WDR59: variants seen among roughly 807,000 people sequenced by gnomAD.
WDR59 encodes the protein GATOR2 complex protein WDR59.
In WDR59, 100 loss-of-function variants were observed where a neutral mutation model predicts 131.2. That is an observed-to-expected ratio of 0.76 (90% CI 0.65 to 0.90). The LOEUF (loss-of-function observed/expected upper bound fraction) is 0.90. Ranked by LOEUF, WDR59 falls within the 40% of genes least tolerant of loss-of-function variation. The pLI, the probability that WDR59 is intolerant of heterozygous loss-of-function variation, is 0.00. For missense variants in WDR59, 1,203 were observed against 1,262.2 expected (o/e 0.95, Z 0.71); for synonymous variants, 601 against 466.2 (o/e 1.29, Z -3.72).
At chr16:74,875,372 G>T (rs1025232051) in intron 25 of WDR59, among the ~76,000 whole-genome samples, 2 of 152,136 alleles carry the variant, frequency 1.3e-5, no homozygotes, top group Non-Finnish European at 2.9e-5. Flanking sequence ...TGGGGACTGT[G>T]TCCCATCGCT....
At chr16:74,940,843 C>T (rs994271217) in intron 7 of WDR59, among the ~76,000 whole-genome samples, 1 of 151,898 alleles carries the variant, frequency 6.6e-6, no homozygotes, top group Admixed American at 6.6e-5. Flanking sequence ...GTAGCTGGGA[C>T]TACAGGCGCC....
intron 25 of WDR59, among the ~76,000 whole-genome samples, chr16:74,878,612 C>T (rs1216762441): frequency 6.6e-6 from 1 of 152,194 alleles, no homozygotes; most frequent in Non-Finnish European, 1.5e-5. Flanking sequence ...TACCTCTGCA[C>T]TCCAGCCTGG....
At chr16:74,967,998 C>T (rs909743842) in intron 1 of WDR59, among the ~76,000 whole-genome samples, 1 of 151,996 alleles carries the variant, frequency 6.6e-6, no homozygotes, top group Non-Finnish European at 1.5e-5. Flanking sequence ...ATACATGCTA[C>T]AACATGGATG....
At chr16:74,932,167 C>A (rs1597740208) in intron 8 of WDR59, among the ~76,000 whole-genome samples, 1 of 151,610 alleles carries the variant, frequency 6.6e-6, no homozygotes, top group African/African-American at 2.4e-5. Context: ...GATCACAGCT[C>A]ATTGCAGCCT....
chr16:74,913,082 G>A (rs1377326839), intron 13 of WDR59, among the ~76,000 whole-genome samples: 2 of 138,326 alleles, frequency 1.4e-5, no homozygotes, highest in Non-Finnish European at 3.2e-5. Flanking sequence ...GGGGGGGGGG[G>A]GGCCTGTTCC....
In WDR59 at chr16:74,916,133, C is replaced by T; in HGVS notation, c.1093G>A (p.Glu365Lys). Residue 365 changes from glutamate (E) to lysine (K), a missense_variant, in exon 12 of 26, where the codon GAA (glutamate) becomes AAA (lysine). Physicochemically the swap from Glu to Lys is moderately conservative, Grantham distance 56. Coordinates refer to ENST00000262144, the MANE Select transcript of WDR59 (RefSeq NM_030581.4). ...CATCAGTTTGACAAATTACCTTCTT[C>T]CTCCCCATGGCTTGCAGTGTGCTGG... ...DHQHTASHGE[E>K]EALKEDPPRN... is the part of the protein sequence containing the mutation. 5 of 1,614,194 alleles carry T rather than the reference C, an allele frequency of 3.1e-6. No homozygotes were observed. Among genetic ancestry groups the T allele is most frequent in the Non-Finnish European group, 4.2e-6 (5 of 1,180,028 alleles).
chr16:74,971,426 C>CTTTTTTTTTTTTTT (rs58120924), intron 1 of WDR59, among the ~76,000 whole-genome samples: 3 of 90,184 alleles, frequency 3.3e-5, no homozygotes, highest in South Asian at 4.0e-4. Context: ...TCTTTCCTTC[C>CTTTTTTTTTTTTTT]TTTTTTTTTT....
chr16:74,891,457 T>A (rs1965040892), intron 20 of WDR59, among the ~76,000 whole-genome samples: 1 of 152,210 alleles, frequency 6.6e-6, no homozygotes, highest in African/African-American at 2.4e-5. Flanking sequence ...TAGAGGAAGT[T>A]AATGACTTTC....
rs1326945851 is a variant in WDR59 at position 74,912,373 on chromosome 16, C to T, written c.1225-11G>A. 3 of 1,606,172 alleles carry T rather than the reference C, an allele frequency of 1.9e-6. No homozygotes were observed. The highest frequency in any genetic ancestry group is 3.3e-5 in the Admixed American group (2 of 59,768). ...GTCTGCCGCATCCATCTGCAAGAGACAAATCCACAATTGCTGTAGAAACAA... is the reference window on the plus strand; with the variant it reads ...GTCTGCCGCATCCATCTGCAAGAGATAAATCCACAATTGCTGTAGAAACAA... On this transcript the variant is annotated splice_polypyrimidine_tract_variant and intron_variant, in intron 13 of 25. Transcript: ENST00000262144.
intron 1 of WDR59, among the ~76,000 whole-genome samples, chr16:74,981,638 A>G (rs1480966203): frequency 4.5e-4 from 3 of 6,630 alleles, no homozygotes; most frequent in African/African-American, 1.3e-3. Context: ...ATATATATAT[A>G]TATATATATA....
chr16:74,978,374 CTCAGTTATTCAGGAGGCTGAGATGGGAG>C (rs2034271070), intron 1 of WDR59, among the ~76,000 whole-genome samples: 1 of 149,180 alleles, frequency 6.7e-6, no homozygotes, highest in Non-Finnish European at 1.5e-5. Flanking sequence ...TGCCTGTCGA[CTCAGTTATTCAGGAGGCTGAGATGGGAG>C]GACACTTGAG....
At position 74,912,837 on chromosome 16, in the gene WDR59, G is replaced by C. The variant is rs143179412; in HGVS notation, c.1225-475C>G. On this transcript the variant is annotated intron_variant, in intron 13 of 25. Coordinates refer to ENST00000262144, the MANE Select transcript of WDR59 (RefSeq NM_030581.4). ...ATGGGCTGAAATAAAGGGATGGGCT[G>C]TGGCTAGCTATCTGCAGCAGGAGTA... is the stretch of plus-strand genomic sequence containing the variant. Among the ~76,000 whole-genome samples, 115 of 152,334 alleles carry C rather than the reference G, an allele frequency of 7.5e-4. No individual in the cohort carries two copies. In the East Asian group the frequency reaches 0.018, roughly 24 times the overall value.
intron 16 of WDR59, 43 bp downstream of exon 16, chr16:74,909,458 G>A (rs1488652659): frequency 1.3e-6 from 2 of 1,503,752 alleles, no homozygotes; most frequent in Non-Finnish European, 1.8e-6. Context: ...ATTCTTAGCT[G>A]CTCCCTCTCG....
At chr16:74,880,036 A>T (rs1369275216) in intron 25 of WDR59, among the ~76,000 whole-genome samples, 1 of 152,306 alleles carries the variant, frequency 6.6e-6, no homozygotes, top group East Asian at 1.9e-4. Context: ...ATAAAAATTT[A>T]AAAAATTAAA....
chr16:74,931,952 T>C (rs72798648), intron 8 of WDR59, among the ~76,000 whole-genome samples: 20,223 of 152,016 alleles, frequency 0.13, 1,878 homozygotes, highest in Middle Eastern at 0.21. Context: ...AAACTCTTAA[T>C]ATAAACTTTT....
At chr16:74,915,730 C>T in intron 13 of WDR59, 140 bp downstream of exon 13, 1 of 1,327,158 alleles carries the variant, frequency 7.5e-7, no homozygotes, top group Non-Finnish European at 1.0e-6. Flanking sequence ...GGCCAGAAAA[C>T]CCAGGAAATA....
chr16:74,936,633 C>G (rs2031822779), intron 8 of WDR59, among the ~76,000 whole-genome samples: 1 of 152,156 alleles, frequency 6.6e-6, no homozygotes, highest in South Asian at 2.1e-4. Context: ...CGAGACCATC[C>G]TGGCCAACAT....
chr16:74,938,599 C>T (rs980779986), intron 7 of WDR59, among the ~76,000 whole-genome samples: 7 of 152,108 alleles, frequency 4.6e-5, no homozygotes, highest in African/African-American at 7.2e-5. Flanking sequence ...TGCAGTGGCA[C>T]GATCACAGCT....
intron 8 of WDR59, among the ~76,000 whole-genome samples, chr16:74,928,559 G>A (rs1450630213): frequency 1.3e-5 from 2 of 151,884 alleles, no homozygotes; most frequent in Admixed American, 6.6e-5. Context: ...CCTTACGTGG[G>A]ATAGCTACAT....
Sources: gnomAD v4.1 joint callset for allele counts (sites outside exome capture counted in the v4.1 genomes callset) on GRCh38, gnomAD v4.1.1 for gene constraint, MANE v1.5 for transcripts, NCBI Gene and HGNC (gene_info 2026-07-23, HGNC 2026-07-21) for gene names.